The following LINGO2 variants were observed in gnomAD, a reference collection of about 807,000 sequenced individuals.
LINGO2 encodes leucine-rich repeat and immunoglobulin-like domain-containing nogo receptor-interacting protein 2.
LINGO2 carries 14 observed loss-of-function variants against 30.6 expected under a neutral mutation model. The ratio of observed to expected loss-of-function variants is 0.46; its 90% CI spans 0.30 to 0.72. The LOEUF (loss-of-function observed/expected upper bound fraction) is 0.72. LINGO2 is among the 30% of genes least tolerant of loss of function. LINGO2 has a pLI of 0.07. For synonymous variants in LINGO2, 317 were observed against 288.5 expected (o/e 1.10, Z -1.00); for missense variants, 729 against 751.7 (o/e 0.97, Z 0.35).
chr9:28,174,516 C>T (rs193281490), intron 4 of LINGO2, among the ~76,000 whole-genome samples: 25 of 152,292 alleles, frequency 1.6e-4, no homozygotes, highest in Admixed American at 1.1e-3. Context: ...CAAACACACA[C>T]ACATATATTT....
the LINGO2 span, among the ~76,000 whole-genome samples, chr9:28,743,401 T>C: frequency 1.3e-5 from 2 of 151,876 alleles, 1 homozygote; most frequent in Non-Finnish European, 2.9e-5. Flanking sequence ...GTTCTCATTG[T>C]TCAACTCATA....
At chr9:28,926,075 G>C in the LINGO2 span, among the ~76,000 whole-genome samples, 1 of 152,176 alleles carries the variant, frequency 6.6e-6, no homozygotes, top group East Asian at 1.9e-4. Flanking sequence ...AGCACTTTGG[G>C]AGGTCGAGGT....
the LINGO2 span, among the ~76,000 whole-genome samples, chr9:28,966,809 T>C: frequency 6.6e-6 from 1 of 152,072 alleles, no homozygotes; most frequent in African/African-American, 2.4e-5. Context: ...TAAACAACAG[T>C]TAAAAGCAGC....
chr9:28,685,005 C>T, the LINGO2 span, among the ~76,000 whole-genome samples: 1 of 152,056 alleles, frequency 6.6e-6, no homozygotes, highest in African/African-American at 2.4e-5. Context: ...CAAGTAGGCC[C>T]CAGTGTCTGT....
chr9:29,071,519 G>GTATATATATATATATA, the LINGO2 span, among the ~76,000 whole-genome samples: 8 of 75,178 alleles, frequency 1.1e-4, no homozygotes, highest in Non-Finnish European at 1.8e-4. Context: ...ATATATATAT[G>GTATATATATATATATA]TATATGTATA....
chr9:28,579,970 G>A (rs1019430760), intron 1 of LINGO2, among the ~76,000 whole-genome samples: 1 of 152,056 alleles, frequency 6.6e-6, no homozygotes, highest in Non-Finnish European at 1.5e-5. Context: ...AGTTGGGCAG[G>A]CTGTCAACAT....
the LINGO2 span, among the ~76,000 whole-genome samples, chr9:28,928,069 G>A: frequency 6.6e-6 from 1 of 152,108 alleles, no homozygotes; most frequent in African/African-American, 2.4e-5. Context: ...CTCTATTTTT[G>A]AATAAGTTGA....
intron 1 of LINGO2, among the ~76,000 whole-genome samples, chr9:28,669,227 A>G (rs990831086): frequency 5.9e-5 from 9 of 151,722 alleles, no homozygotes; most frequent in Non-Finnish European, 1.0e-4. Context: ...CCTATGTACA[A>G]CTCCCTGCTT....
chr9:29,032,153 C>G, the LINGO2 span, among the ~76,000 whole-genome samples: 1 of 152,102 alleles, frequency 6.6e-6, no homozygotes, highest in African/African-American at 2.4e-5. Flanking sequence ...GGTCCATAAA[C>G]ATGCTTCATG....
intron 3 of LINGO2, among the ~76,000 whole-genome samples, chr9:28,302,674 T>C (rs537296414): frequency 5.3e-5 from 8 of 152,094 alleles, no homozygotes; most frequent in East Asian, 1.9e-4. Context: ...CTGTCTCAAA[T>C]ATATATATTA....
chr9:28,145,425 A>G (rs1827786126), intron 4 of LINGO2, among the ~76,000 whole-genome samples: 1 of 152,248 alleles, frequency 6.6e-6, no homozygotes, highest in South Asian at 2.1e-4. Flanking sequence ...ATGTTTATAT[A>G]GTATTTTCTA....
chr9:28,170,781 A>G (rs1828559550), intron 4 of LINGO2, among the ~76,000 whole-genome samples: 1 of 151,972 alleles, frequency 6.6e-6, no homozygotes, highest in Admixed American at 6.5e-5. Context: ...TTATCATCGC[A>G]TTTCCTTCTC....
At chr9:28,829,519 C>T in the LINGO2 span, among the ~76,000 whole-genome samples, 12 of 152,168 alleles carry the variant, frequency 7.9e-5, no homozygotes, top group African/African-American at 2.4e-4. Flanking sequence ...ATGGGACGCA[C>T]ACAGAGTTTT....
chr9:28,632,629 TATTTTTATATATATTTAC>T (rs2135884557), intron 1 of LINGO2, among the ~76,000 whole-genome samples: 1 of 143,402 alleles, frequency 7.0e-6, no homozygotes, highest in East Asian at 2.0e-4. Flanking sequence ...TATATTTATA[TATTTTTATATATATTTAC>T]ATAGATATTT....
At chr9:28,826,423 C>A in the LINGO2 span, among the ~76,000 whole-genome samples, 2 of 152,094 alleles carry the variant, frequency 1.3e-5, no homozygotes, top group South Asian at 4.1e-4. Flanking sequence ...CTTCAGTGGG[C>A]CAGATTTTTC....
the LINGO2 span, among the ~76,000 whole-genome samples, chr9:28,833,843 T>A: frequency 1.3e-5 from 2 of 152,194 alleles, no homozygotes; most frequent in African/African-American, 4.8e-5. Context: ...GGAATCAGCA[T>A]CTTCAAACAT....
the LINGO2 span, among the ~76,000 whole-genome samples, chr9:28,827,450 G>T: frequency 6.6e-6 from 1 of 152,028 alleles, no homozygotes; most frequent in African/African-American, 2.4e-5. Flanking sequence ...TTATTTAATC[G>T]CTCTATGCCT....
At chr9:28,879,698 G>C in the LINGO2 span, among the ~76,000 whole-genome samples, 1 of 152,114 alleles carries the variant, frequency 6.6e-6, no homozygotes, top group East Asian at 1.9e-4. Context: ...ATGTCCCCCA[G>C]AGCTAACATG....
chr9:28,688,857 G>A, the LINGO2 span, among the ~76,000 whole-genome samples: 1,405 of 152,076 alleles, frequency 9.2e-3, 30 homozygotes, highest in African/African-American at 0.032. Flanking sequence ...TGCACATAAC[G>A]TCCTATAATA....
Sources: gnomAD v4.1 joint callset for allele counts (sites outside exome capture counted in the v4.1 genomes callset) on GRCh38, gnomAD v4.1.1 for gene constraint, MANE v1.5 for transcripts, NCBI Gene and HGNC (gene_info 2026-07-23, HGNC 2026-07-21) for gene names.